Variants in ZBTB7C observed in about 807,000 individuals in gnomAD.
The protein encoded by ZBTB7C is zinc finger and BTB domain containing 7C, also known as zinc finger and BTB domain-containing protein 7C.
In ZBTB7C, 8 loss-of-function variants were observed where a neutral mutation model predicts 25.7. That is an observed-to-expected ratio of 0.31 (90% CI 0.18 to 0.56). The LOEUF (loss-of-function observed/expected upper bound fraction) is 0.56. Ranked by LOEUF, ZBTB7C falls within the 20% of genes least tolerant of loss-of-function variation. ZBTB7C has a pLI of 0.91. For synonymous variants in ZBTB7C, 394 were observed against 369.0 expected (o/e 1.07, Z -0.78); for missense variants, 824 against 855.2 (o/e 0.96, Z 0.46).
At position 48,318,482 on chromosome 18, in the gene ZBTB7C, A is replaced by G. The variant is rs536822724; in HGVS notation, c.-79+19692T>C. On this transcript the variant is annotated intron_variant, in intron 2 of 4. Transcript: ENST00000590800. ...GCCCCTTGCAGACCCATGCTGCCCTAGACCTTGAATCAGTGCTGGCATGGC... is the reference window on the plus strand; with the variant it reads ...GCCCCTTGCAGACCCATGCTGCCCTGGACCTTGAATCAGTGCTGGCATGGC... 4.7e-4 allele frequency among the ~76,000 whole-genome samples: 71 copies of G among 152,178 alleles called. 2 individuals carry two copies. Among genetic ancestry groups the G allele is most frequent in the Middle Eastern group, 6.8e-3 (2 of 294 alleles).
Position 48,386,698 on chromosome 18 carries a change from G to A in ZBTB7C, c.-304+22528C>T, listed in dbSNP as rs1002253007. Among the ~76,000 whole-genome samples the A allele has an allele frequency of 5.9e-5, 9 of 152,206 alleles. No homozygotes were observed. The South Asian group carries it at 1.7e-3, about 28-fold the overall frequency. ...AAATTCAAGAGCCACACATTGCCCC[G>A]TCTCTGCAAGGACGCTCAGTCAAAG... On this transcript the variant is annotated intron_variant, in intron 1 of 4. Transcript: ENST00000590800.
At chr18:48,213,229 C>A (rs2042743570) in intron 2 of ZBTB7C, among the ~76,000 whole-genome samples, 1 of 152,236 alleles carries the variant, frequency 6.6e-6, no homozygotes, top group East Asian at 1.9e-4. Flanking sequence ...ATCCTGCTGT[C>A]CTTTAACTTT....
At chr18:48,335,438 G>A (rs1188865573) in intron 2 of ZBTB7C, among the ~76,000 whole-genome samples, 1 of 152,198 alleles carries the variant, frequency 6.6e-6, no homozygotes, top group Non-Finnish European at 1.5e-5. Flanking sequence ...CCTAGACCCA[G>A]CAAGCGGCAG....
At chr18:48,030,192 T>A (rs971342230) in intron 4 of ZBTB7C, among the ~76,000 whole-genome samples, 1 of 152,198 alleles carries the variant, frequency 6.6e-6, no homozygotes, top group African/African-American at 2.4e-5. Context: ...ACTCCCACTC[T>A]ATTAGGGGTT....
chr18:48,336,378 G>C (rs562725903), intron 2 of ZBTB7C, among the ~76,000 whole-genome samples: 1 of 152,276 alleles, frequency 6.6e-6, no homozygotes, highest in East Asian at 1.9e-4. Context: ...TACATGTACC[G>C]ATCACTTATT....
chr18:48,270,448 C>T (rs2044446846), intron 2 of ZBTB7C, among the ~76,000 whole-genome samples: 1 of 151,120 alleles, frequency 6.6e-6, no homozygotes, highest in African/African-American at 2.4e-5. Context: ...GTAATCCCAG[C>T]ACTTTGGGAG....
At chr18:48,293,439 C>T (rs139548600) in intron 2 of ZBTB7C, among the ~76,000 whole-genome samples, 6 of 152,282 alleles carry the variant, frequency 3.9e-5, no homozygotes, top group African/African-American at 1.2e-4. Context: ...GGGACATAAA[C>T]GTTTAAACAT....
chr18:48,141,137 C>G (rs1365314973), intron 3 of ZBTB7C, among the ~76,000 whole-genome samples: 1 of 43,186 alleles, frequency 2.3e-5, no homozygotes, highest in African/African-American at 8.0e-5. Context: ...TAGGCATCCC[C>G]CCCGCACCAC....
At chr18:48,134,969 G>A (rs987962887) in intron 3 of ZBTB7C, among the ~76,000 whole-genome samples, 2 of 152,144 alleles carry the variant, frequency 1.3e-5, no homozygotes, top group Non-Finnish European at 2.9e-5. Context: ...CTGCAGCATG[G>A]AGACTCCAGT....
rs540223787 is a variant in ZBTB7C at position 48,135,228 on chromosome 18, T to C, written c.-17+50706A>G. Reference sequence around the variant, plus strand: ...GCACTTAGCATGGTACCTGGACACATACAGTAAACAATACAATAGCGTTGA... The same window carrying C: ...GCACTTAGCATGGTACCTGGACACACACAGTAAACAATACAATAGCGTTGA... On this transcript the variant is annotated intron_variant, in intron 3 of 4. Transcript: ENST00000590800. Among the ~76,000 whole-genome samples, 15 of 152,292 alleles carry C rather than the reference T, an allele frequency of 9.8e-5. No homozygotes were observed. The South Asian group carries it at 3.1e-3, about 32-fold the overall frequency.
At chr18:48,157,384 C>T (rs1313407552) in intron 3 of ZBTB7C, among the ~76,000 whole-genome samples, 5 of 152,096 alleles carry the variant, frequency 3.3e-5, no homozygotes, top group African/African-American at 1.2e-4. Flanking sequence ...GCTGCCAGAG[C>T]CTGCTAACTG....
chr18:48,104,007 T>C lies in ZBTB7C; in HGVS notation c.-16-62884A>G, dbSNP rs559854610. ...TCTTTTCAAGGTGATGAATATGTCC[T>C]AAAAATGGTTGTGGGGATGGTTGCA... On this transcript the variant is annotated intron_variant, in intron 3 of 4. Coordinates refer to ENST00000590800, the MANE Select transcript of ZBTB7C (RefSeq NM_001318841.2). Among the ~76,000 whole-genome samples the C allele has an allele frequency of 3.3e-5, 5 of 152,256 alleles. No homozygotes were observed. In the South Asian group the frequency reaches 8.3e-4, roughly 25 times the overall value.
chr18:48,270,085 A>T (rs2044430058), intron 2 of ZBTB7C, among the ~76,000 whole-genome samples: 1 of 152,160 alleles, frequency 6.6e-6, no homozygotes, highest in Non-Finnish European at 1.5e-5. Context: ...CAAGGGAGAG[A>T]GAGAGAAGGA....
At chr18:48,212,971 G>A (rs572493474) in intron 2 of ZBTB7C, among the ~76,000 whole-genome samples, 3 of 152,308 alleles carry the variant, frequency 2.0e-5, no homozygotes, top group Admixed American at 6.5e-5. Context: ...GTGCAGCCAC[G>A]TACAAGGTCT....
chr18:48,064,136 T>A (rs903114891), intron 3 of ZBTB7C, among the ~76,000 whole-genome samples: 45 of 152,018 alleles, frequency 3.0e-4, no homozygotes, highest in South Asian at 2.1e-4. Context: ...CTGGATGGGG[T>A]CACTGGAGGG....
intron 2 of ZBTB7C, among the ~76,000 whole-genome samples, chr18:48,286,811 G>C (rs1164734876): frequency 1.3e-5 from 2 of 151,940 alleles, no homozygotes; most frequent in African/African-American, 4.8e-5. Context: ...CAGTACTTTG[G>C]GAGGCTAAGG....
chr18:48,050,811 T>C (rs2036656637), intron 3 of ZBTB7C, among the ~76,000 whole-genome samples: 2 of 152,192 alleles, frequency 1.3e-5, no homozygotes, highest in South Asian at 2.1e-4. Context: ...CTCTGCTTCA[T>C]GGTTCTCTGC....
intron 1 of ZBTB7C, among the ~76,000 whole-genome samples, chr18:48,364,463 G>A (rs922066810): frequency 1.3e-5 from 2 of 152,154 alleles, no homozygotes; most frequent in Non-Finnish European, 2.9e-5. Flanking sequence ...GGAAATTCCA[G>A]ATGGGAGCAC....
intron 2 of ZBTB7C, among the ~76,000 whole-genome samples, chr18:48,257,266 T>C (rs966735180): frequency 3.9e-5 from 6 of 151,980 alleles, no homozygotes; most frequent in Non-Finnish European, 5.9e-5. Flanking sequence ...TCCATAATGA[T>C]AAAAGGATCA....
Sources: gnomAD v4.1 joint callset for allele counts (sites outside exome capture counted in the v4.1 genomes callset) on GRCh38, gnomAD v4.1.1 for gene constraint, MANE v1.5 for transcripts, NCBI Gene and HGNC (gene_info 2026-07-23, HGNC 2026-07-21) for gene names.